UBAP2L: variants seen among roughly 807,000 people sequenced by gnomAD.
UBAP2L encodes ubiquitin associated protein 2 like.
Under a neutral mutation model 130.6 loss-of-function variants are expected in UBAP2L, and 12 were observed. That is an observed-to-expected ratio of 0.09 (90% CI 0.06 to 0.15). UBAP2L has a LOEUF of 0.15. Ranked by LOEUF, UBAP2L falls within the 10% of genes least tolerant of loss-of-function variation. The pLI is 1.00. For missense variants in UBAP2L, 965 were observed against 1,332.5 expected (o/e 0.72, Z 4.29); for synonymous variants, 503 against 524.7 (o/e 0.96, Z 0.57).
rs771604488 is a variant in UBAP2L at position 154,255,243 on chromosome 1, G to A, written c.2001G>A (p.Thr667=). ...CGGTATCTGCAGCTTCCTTACTGAC[G>A]ACAACCAATCAGCATTCATCCTCCT... ...NETVSAASLL[T]TTNQHSSSLG... Residue 667 remains threonine, a synonymous_variant, in exon 17 of 27, where the codon ACG becomes ACA. Transcript: ENST00000428931. 1.9e-6 allele frequency: 3 copies of A among 1,614,164 alleles called. No individual in the cohort carries two copies. Among genetic ancestry groups the A allele is most frequent in the Non-Finnish European group, 2.5e-6 (3 of 1,180,042 alleles).
intron 20 of UBAP2L, chr1:154,258,506 C>CT (rs1680431948): frequency 6.5e-6 from 1 of 152,822 alleles, no homozygotes. Flanking sequence ...CCCTCATAGA[C>CT]AAAGTCTAGA....
At chr1:154,247,018 G>T (rs1314427998) in intron 11 of UBAP2L, among the ~76,000 whole-genome samples, 1 of 152,134 alleles carries the variant, frequency 6.6e-6, no homozygotes, top group East Asian at 1.9e-4. Context: ...CGACATCAAA[G>T]GAATCATTTA....
chr1:154,227,552 TTTG>T lies in UBAP2L; in HGVS notation c.168+196_168+198del, dbSNP rs2148497661. 2.0e-5 allele frequency among the ~76,000 whole-genome samples: 3 copies of T among 152,028 alleles called. No individual in the cohort carries two copies. The East Asian group carries it at 5.8e-4, about 29-fold the overall frequency. ...TTTTTTGTAGCCCTTTGTTTTGTTT[TTTG>T]TTTTTTTTTCAGATGAAGTCTCACT... On this transcript the variant is annotated intron_variant, in intron 3 of 26. Coordinates refer to ENST00000428931, the MANE Select transcript of UBAP2L (RefSeq NM_014847.4).
Position 154,251,179 on chromosome 1 carries a change from C to T in UBAP2L, c.1352C>T (p.Pro451Leu), listed in dbSNP as rs1392106721. The T allele has an allele frequency of 1.2e-5, 20 of 1,614,050 alleles. No individual in the cohort carries two copies. Among genetic ancestry groups the T allele is most frequent in the Non-Finnish European group, 1.6e-5 (19 of 1,180,044 alleles). ...AVATSTAAPPPPSSPLPSKST... is the reference protein window; with the variant it reads ...AVATSTAAPPLPSSPLPSKST... ...GCTACCTCCACAGCTGCACCTCCAC[C>T]TCCGTCTTCTCCTCTGCCAAGCAAA... The change falls in exon 13 of 27, where the codon CCT becomes CTT. Residue 451 changes from proline to leucine, a missense_variant. By Grantham distance (98) the Pro-to-Leu change is moderately conservative (BLOSUM62 -3). Around this residue, in one of 9 missense-constraint regions of UBAP2L, gnomAD observed 74 missense variants for 97.1 expected, o/e 0.76. Transcript: ENST00000428931.
intron 5 of UBAP2L, 52 bp downstream of exon 5, chr1:154,234,811 C>G (rs1671067661): frequency 6.4e-7 from 1 of 1,551,544 alleles, no homozygotes; most frequent in Non-Finnish European, 8.7e-7. Context: ...TGTCTAGACT[C>G]TAGGGATGTG....
At chr1:154,255,026 A>G in intron 16 of UBAP2L, 126 bp from the exon 17 acceptor site, 3 of 1,414,076 alleles carry the variant, frequency 2.1e-6, no homozygotes, top group East Asian at 2.3e-5. Context: ...AAAAGATTCT[A>G]CCTAATATAG....
intron 21 of UBAP2L, chr1:154,259,666 AG>A: frequency 2.0e-6 from 1 of 504,334 alleles, no homozygotes; most frequent in Admixed American, 3.1e-5. Flanking sequence ...ATAAACTGAT[AG>A]GGATGACACC....
chr1:154,232,832 G>A (rs1469402209), intron 4 of UBAP2L, among the ~76,000 whole-genome samples: 1 of 151,954 alleles, frequency 6.6e-6, no homozygotes, highest in African/African-American at 2.4e-5. Flanking sequence ...AAGTGGTTTG[G>A]GTGACAGGAG....
chr1:154,238,613 G>A (rs1393350872), intron 8 of UBAP2L, among the ~76,000 whole-genome samples: 4 of 152,340 alleles, frequency 2.6e-5, no homozygotes, highest in African/African-American at 9.6e-5. Flanking sequence ...GTAGAAAAGG[G>A]AGCAGATGTG....
chr1:154,224,570 G>A (rs1667350868), intron 1 of UBAP2L, among the ~76,000 whole-genome samples: 1 of 152,172 alleles, frequency 6.6e-6, no homozygotes, highest in Admixed American at 6.5e-5. Flanking sequence ...ACTTGAACTT[G>A]TCCTTTCCCA....
intron 26 of UBAP2L, chr1:154,269,787 G>A (rs1434633859): frequency 1.8e-5 from 4 of 217,512 alleles, no homozygotes; most frequent in African/African-American, 7.0e-5. Flanking sequence ...CTCCATTATA[G>A]GTGGCTGGAG....
At chr1:154,237,194 T>C (rs1264996959) in intron 8 of UBAP2L, 58 bp downstream of exon 8, 2 of 1,462,062 alleles carry the variant, frequency 1.4e-6, no homozygotes, top group Non-Finnish European at 1.9e-6. Context: ...AATAGTTTTT[T>C]CTGATTATAC....
At chr1:154,227,391 G>A in intron 3 of UBAP2L, 32 bp downstream of exon 3, 1 of 1,566,108 alleles carries the variant, frequency 6.4e-7, no homozygotes, top group Non-Finnish European at 8.8e-7. Flanking sequence ...TGTACACTAT[G>A]AGAAAAGATA....
intron 7 of UBAP2L, among the ~76,000 whole-genome samples, 194 bp downstream of exon 7, chr1:154,236,805 C>T (rs114980362): frequency 0.013 from 2,051 of 152,150 alleles, 16 homozygotes; most frequent in Non-Finnish European, 0.021. Context: ...AATCAATATA[C>T]CTGTTCTTTT....
At chr1:154,245,912 C>A (rs953022158) in intron 10 of UBAP2L, among the ~76,000 whole-genome samples, 1 of 147,180 alleles carries the variant, frequency 6.8e-6, no homozygotes, top group African/African-American at 2.5e-5. Flanking sequence ...GAGACTTTCT[C>A]GAAACAAACA....
intron 8 of UBAP2L, among the ~76,000 whole-genome samples, chr1:154,240,839 G>A (rs1673284834): frequency 6.6e-6 from 1 of 151,042 alleles, no homozygotes. Context: ...GCATGTTATG[G>A]TTTAAATTGG....
In UBAP2L at chr1:154,261,005, C is replaced by T. The variant is rs1681372944; in HGVS notation, c.2692C>T (p.Leu898=). ...QTHHTTQQTF[L]NPALPPGYSY... The stretch of plus-strand genomic sequence containing the variant: ...TCACCATACCACGCAGCAGACATTC[C>T]TGAACCCGGCGCTGCCTCCTGGCTA... Residue 898 remains leucine, a synonymous_variant, in exon 23 of 27, where the codon CTG becomes TTG. Transcript: ENST00000428931. The T allele has an allele frequency of 2.5e-6, 4 of 1,614,218 alleles. No homozygotes were observed. The Admixed American group carries it at 6.7e-5, about 27-fold the overall frequency.
At chr1:154,263,333 C>T in intron 24 of UBAP2L, 1 of 1,424,492 alleles carries the variant, frequency 7.0e-7, no homozygotes. Context: ...CCATTTCCCT[C>T]TCCCCCATGT....
At chr1:154,233,823 A>T (rs1178347646) in intron 4 of UBAP2L, among the ~76,000 whole-genome samples, 1 of 149,938 alleles carries the variant, frequency 6.7e-6, no homozygotes, top group African/African-American at 2.5e-5. Context: ...TTTGGTATGA[A>T]TGATGCTATA....
Sources: allele counts gnomAD v4.1 joint callset (sites outside exome capture counted in the v4.1 genomes callset), GRCh38; gene constraint gnomAD v4.1.1; regional missense constraint gnomAD v4.1.1; transcripts MANE v1.5; gene names NCBI Gene and HGNC (gene_info 2026-07-23, HGNC 2026-07-21).